A2M: variants seen among roughly 807,000 people sequenced by gnomAD.
The protein encoded by A2M is alpha-2-macroglobulin.
Under a neutral mutation model 183.9 loss-of-function variants are expected in A2M, and 128 were observed. That is an observed-to-expected ratio of 0.70 (90% CI 0.60 to 0.81). The LOEUF is 0.81. Ranked by LOEUF, A2M falls within the 30% of genes least tolerant of loss-of-function variation. The pLI, the probability that A2M is intolerant of heterozygous loss-of-function variation, is 0.00. For missense variants in A2M, 1,495 were observed against 1,787.6 expected (o/e 0.84, Z 2.95); for synonymous variants, 592 against 670.8 (o/e 0.88, Z 1.81).
At chr12:9,115,612 A>G (rs1939058465) in intron 1 of A2M, among the ~76,000 whole-genome samples, 152 bp downstream of exon 1, 1 of 152,244 alleles carries the variant, frequency 6.6e-6, no homozygotes, top group Non-Finnish European at 1.5e-5. Flanking sequence ...GTAAGCAAGT[A>G]ATGAGTAAAC....
At chr12:9,111,449 G>C (rs1938720771) in intron 4 of A2M, 2 of 451,040 alleles carry the variant, frequency 4.4e-6, no homozygotes, top group East Asian at 7.0e-5. Flanking sequence ...TTATTGTAAT[G>C]ATCTTATTTA....
Position 9,095,569 on chromosome 12 carries a change from T to C in A2M, c.1983A>G (p.Thr661=). The change falls in exon 16 of 36, where the codon ACA becomes ACG. Residue 661 remains threonine, a synonymous_variant. Coordinates refer to ENST00000318602, the MANE Select transcript of A2M (RefSeq NM_000014.6). ...GGAAGCTGTACATATCCTTTTCATTTGTACTTGATACTGGAGTATATGTGA... is the reference window on the plus strand; with the variant it reads ...GGAAGCTGTACATATCCTTTTCATTCGTACTTGATACTGGAGTATATGTGA... ...NGITYTPVSS[T]NEKDMYSFLE... The C allele has an allele frequency of 3.7e-6, 6 of 1,612,630 alleles. No individual in the cohort carries two copies. Among genetic ancestry groups the C allele is most frequent in the Non-Finnish European group, 5.1e-6 (6 of 1,178,824 alleles).
At chr12:9,077,454 A>G (rs1948780917) in intron 26 of A2M, 34 bp from the exon 27 acceptor site, 4 of 1,582,270 alleles carry the variant, frequency 2.5e-6, no homozygotes, top group Middle Eastern at 1.7e-4. Flanking sequence ...GAATAATTCA[A>G]CTTCTGAGAA....
chr12:9,074,783 T>C lies in A2M; in HGVS notation c.3533A>G (p.Asp1178Gly), dbSNP rs1223415216. The change falls in exon 29 of 36, where the codon GAC becomes GGC. Residue 1178 changes from aspartate to glycine, a missense_variant and splice_region_variant. Asp to Gly is a moderately conservative substitution (Grantham distance 94). Transcript: ENST00000318602. Reference sequence around the variant, plus strand: ...AGGGCGCTCCCAATGGACAGAGTTGTCTTAAAGATGAGAAAAAGATATTTA... The same window carrying C: ...AGGGCGCTCCCAATGGACAGAGTTGCCTTAAAGATGAGAAAAAGATATTTA... The part of the protein sequence containing the change: ...KSLNEEAVKK[D>G]NSVHWERPQK... 6.2e-7 allele frequency: 1 copy of C among 1,608,418 alleles called. No individual in the cohort carries two copies. The highest frequency in any genetic ancestry group is 1.7e-5 in the Admixed American group (1 of 59,166).
chr12:9,098,446 AT>A (rs34990507), intron 15 of A2M, 160 bp downstream of exon 15: 70,340 of 434,708 alleles, frequency 0.16, 8,301 homozygotes, highest in African/African-American at 0.22. Flanking sequence ...ATATATATAT[AT>A]ATAATTCCTT....
At chr12:9,109,170 CAGG>C (rs929048147) in intron 7 of A2M, 148 bp downstream of exon 7, 4 of 600,542 alleles carry the variant, frequency 6.7e-6, no homozygotes, top group African/African-American at 5.6e-5. Flanking sequence ...AGAAAAGCAA[CAGG>C]AGAATAACAT....
At chr12:9,076,174 G>T (rs1309003797) in intron 28 of A2M, among the ~76,000 whole-genome samples, 2 of 152,110 alleles carry the variant, frequency 1.3e-5, no homozygotes, top group East Asian at 1.9e-4. Context: ...TATGTTTAAG[G>T]TTATATAATG....
chr12:9,113,633 A>G, intron 1 of A2M, 90 bp from the exon 2 acceptor site: 1 of 1,280,360 alleles, frequency 7.8e-7, no homozygotes, highest in Non-Finnish European at 1.1e-6. Context: ...AATTATCATC[A>G]TCAGTTCTAC....
In A2M at chr12:9,104,225, C is replaced by T. The variant is rs778372216; in HGVS notation, c.1266+14G>A. 1.2e-6 allele frequency: 2 copies of T among 1,601,840 alleles called. No homozygotes were observed. The highest frequency in any genetic ancestry group is 1.1e-5 in the South Asian group (1 of 87,464). On this transcript the variant is annotated intron_variant, in intron 11 of 35. Coordinates refer to ENST00000318602, the MANE Select transcript of A2M (RefSeq NM_000014.6). The stretch of plus-strand genomic sequence containing the variant: ...GGCTACTTCATGTCATTGGTAATTT[C>T]TTTCCAAACTTACCCTAACAGTAAG...
At chr12:9,068,908 G>T in intron 33 of A2M, 66 bp from the exon 34 acceptor site, 1 of 1,160,046 alleles carries the variant, frequency 8.6e-7, no homozygotes, top group Non-Finnish European at 1.2e-6. Context: ...ATTAGTTTAA[G>T]TATTCACCTG....
chr12:9,098,739 G>A lies in A2M; in HGVS notation c.1719C>T (p.Ser573=). The part of the protein sequence containing the change: ...CLANKVDLSF[S]PSQSLPASHA... ...GTGAGGCTGGGAGACTTTGTGATGGGCTGAAGCTCAAATCCACCTGTGAAA... is the reference window on the plus strand; with the variant it reads ...GTGAGGCTGGGAGACTTTGTGATGGACTGAAGCTCAAATCCACCTGTGAAA... Residue 573 remains serine, a synonymous_variant, in exon 15 of 36, where the codon AGC becomes AGT. Coordinates refer to ENST00000318602, the MANE Select transcript of A2M (RefSeq NM_000014.6). 1 of 1,612,952 alleles carries A rather than the reference G, an allele frequency of 6.2e-7. No homozygotes were observed. The highest frequency in any genetic ancestry group is 1.1e-5 in the South Asian group (1 of 90,488).
rs1236952274 is a variant in A2M, at chr12:9,101,517, G to C, written c.1424C>G (p.Thr475Arg). The part of the protein sequence containing the change: ...SHELPCGHTQ[T>R]VQAHYILNGG... ...ATTCAGAATATAATGTGCCTGGACT[G>C]TCTGAGTATGGCCACAGGGTAGTTC... Residue 475 changes from threonine (T) to arginine (R), a missense_variant, in exon 12 of 36, where the codon ACA (threonine) becomes AGA (arginine). Coordinates refer to ENST00000318602, the MANE Select transcript of A2M (RefSeq NM_000014.6). 6.2e-7 allele frequency: 1 copy of C among 1,613,952 alleles called. No individual in the cohort carries two copies. The highest frequency in any genetic ancestry group is 1.1e-5 in the South Asian group (1 of 91,074).
chr12:9,073,710 C>T (rs1179091598), intron 29 of A2M, among the ~76,000 whole-genome samples: 2 of 152,142 alleles, frequency 1.3e-5, no homozygotes, highest in African/African-American at 2.4e-5. Flanking sequence ...TGTTCAGATA[C>T]ATGGTTATAT....
chr12:9,083,586 G>A (rs1284804010), intron 22 of A2M, among the ~76,000 whole-genome samples: 2 of 151,778 alleles, frequency 1.3e-5, no homozygotes, highest in Non-Finnish European at 2.9e-5. Context: ...AGAGTATTTG[G>A]AATTATCCAG....
chr12:9,095,719 CA>C lies in A2M; in HGVS notation c.1852-20del. ...TGTAAACCTGTACAAATACGAAAGA[CA>C]AAAAGGCAAACTTATTTGTGACTTT... On this transcript the variant is annotated intron_variant, in intron 15 of 35. Coordinates refer to ENST00000318602, the MANE Select transcript of A2M (RefSeq NM_000014.6). 1 of 576,660 alleles carries C rather than the reference CA, an allele frequency of 1.7e-6. No individual in the cohort carries two copies. The highest frequency in any genetic ancestry group is 2.8e-6 in the Non-Finnish European group (1 of 361,310). The allele number at this position is 576,660 out of a possible 1,614,324, so 35.7% of individuals were successfully genotyped here. A position where few individuals can be genotyped will look rare whatever the true frequency, so the allele number is the denominator to read the frequency against.
rs745636189 is a variant in A2M, at chr12:9,072,355, T to G, written c.4103+4A>C. Reference sequence around the variant, plus strand: ...GATTAGGTGATAGAGTCAGAAGGTCTTACCTGACACTTAGGGAGATTTGGA... The same window carrying G: ...GATTAGGTGATAGAGTCAGAAGGTCGTACCTGACACTTAGGGAGATTTGGA... On this transcript the variant is annotated splice_donor_region_variant and intron_variant, in intron 31 of 35. Transcript: ENST00000318602. 7.1e-5 allele frequency: 114 copies of G among 1,613,686 alleles called. No individual in the cohort carries two copies. The highest frequency in any genetic ancestry group is 9.6e-5 in the Non-Finnish European group (113 of 1,179,840).
intron 10 of A2M, 29 bp from the exon 11 acceptor site, chr12:9,104,429 T>C: frequency 1.3e-6 from 2 of 1,558,342 alleles, no homozygotes; most frequent in East Asian, 2.4e-5. Flanking sequence ...GGATTAGTTA[T>C]ATTGGTAATA....
intron 29 of A2M, 50 bp downstream of exon 29, chr12:9,074,510 A>C (rs747674132): frequency 6.6e-7 from 1 of 1,511,962 alleles, no homozygotes; most frequent in African/African-American, 1.4e-5. Context: ...TTTTCATTCA[A>C]ATCTTTTGCT....
At chr12:9,098,535 A>C in intron 15 of A2M, 72 bp downstream of exon 15, 1 of 1,506,548 alleles carries the variant, frequency 6.6e-7, no homozygotes, top group South Asian at 1.2e-5. Flanking sequence ...TATCCTACTT[A>C]TCCAGTCATT....
Sources: gnomAD v4.1 joint callset for allele counts (sites outside exome capture counted in the v4.1 genomes callset) on GRCh38, gnomAD v4.1.1 for gene constraint, MANE v1.5 for transcripts, NCBI Gene and HGNC (gene_info 2026-07-23, HGNC 2026-07-21) for gene names.